Variants in HDAC9 observed in about 807,000 individuals in gnomAD.
HDAC9 encodes the protein MEF-2 interacting transcription repressor (MITR) protein.
In HDAC9, 41 loss-of-function variants were observed where a neutral mutation model predicts 139.4. That is an observed-to-expected ratio of 0.29 (90% CI 0.23 to 0.38). The LOEUF (loss-of-function observed/expected upper bound fraction) is 0.38. Among genes scored for constraint, HDAC9 ranks in the 10% least tolerant of loss-of-function variants. The pLI, the probability that HDAC9 is intolerant of heterozygous loss-of-function variation, is 1.00. For missense variants in HDAC9, 1,147 were observed against 1,297.0 expected (o/e 0.88, Z 1.78); for synonymous variants, 517 against 476.2 (o/e 1.09, Z -1.12).
chr7:18,264,965 T>C (rs909923938), intron 2 of HDAC9, among the ~76,000 whole-genome samples: 2 of 152,176 alleles, frequency 1.3e-5, no homozygotes, highest in African/African-American at 4.8e-5. Context: ...TTTAGTGCCA[T>C]TAAGGGAAAA....
rs527827719 is a variant in HDAC9, at chr7:18,867,278, G to A, written c.2685-7200G>A. 5.9e-5 allele frequency among the ~76,000 whole-genome samples: 9 copies of A among 152,240 alleles called. 1 individual carries two copies. Among genetic ancestry groups the A allele is most frequent in the Non-Finnish European group, 1.0e-4 (7 of 68,012 alleles). The stretch of plus-strand genomic sequence containing the variant: ...ATCATGTGTTTTCTAGCAAAGCAAC[G>A]TAGGTGCAAATCACCAGTGAATCCT... On this transcript the variant is annotated intron_variant, in intron 21 of 25. Transcript: ENST00000686413.
At chr7:18,123,120 C>T (rs915674302) in intron 1 of HDAC9, among the ~76,000 whole-genome samples, 3 of 152,122 alleles carry the variant, frequency 2.0e-5, no homozygotes, top group African/African-American at 2.4e-5. Context: ...TAATTCCTTC[C>T]TCCAACAGAA....
At chr7:18,655,465 A>G (rs1790808015) in intron 11 of HDAC9, among the ~76,000 whole-genome samples, 1 of 152,192 alleles carries the variant, frequency 6.6e-6, no homozygotes, top group Non-Finnish European at 1.5e-5. Flanking sequence ...ATTCTTTTAA[A>G]TACGTAGTAC....
intron 12 of HDAC9, among the ~76,000 whole-genome samples, chr7:18,698,023 C>T (rs1043556033): frequency 1.3e-4 from 20 of 151,826 alleles, no homozygotes; most frequent in South Asian, 2.1e-4. Flanking sequence ...CAGGAGAAGA[C>T]GCATGAACAA....
chr7:18,726,123 A>G (rs1454436752), intron 12 of HDAC9, among the ~76,000 whole-genome samples: 1 of 152,164 alleles, frequency 6.6e-6, no homozygotes, highest in East Asian at 1.9e-4. Context: ...TTATAATCCA[A>G]ATTTATAGAT....
At chr7:18,177,525 CT>C (rs1276580386) in intron 2 of HDAC9, among the ~76,000 whole-genome samples, 1 of 152,160 alleles carries the variant, frequency 6.6e-6, no homozygotes, top group Admixed American at 6.5e-5. Context: ...AGTTTTCTTG[CT>C]TGGAGGCCTT....
intron 6 of HDAC9, among the ~76,000 whole-genome samples, chr7:18,598,045 C>A (rs924011823): frequency 1.1e-4 from 17 of 152,200 alleles, no homozygotes; most frequent in African/African-American, 4.1e-4. Flanking sequence ...TAGCAGTCAG[C>A]AGTTATGTTC....
intron 21 of HDAC9, among the ~76,000 whole-genome samples, chr7:18,838,977 G>GTGA (rs1562978168): frequency 6.6e-6 from 1 of 151,822 alleles, no homozygotes; most frequent in Non-Finnish European, 1.5e-5. Flanking sequence ...CACATTTACT[G>GTGA]TAAGCTTTAA....
At chr7:18,146,371 A>C (rs1280898983) in intron 1 of HDAC9, among the ~76,000 whole-genome samples, 1 of 152,182 alleles carries the variant, frequency 6.6e-6, no homozygotes, top group Non-Finnish European at 1.5e-5. Flanking sequence ...CAATACTCAC[A>C]GTGGTTGATT....
At chr7:18,096,296 C>T (rs1782495571) in intron 1 of HDAC9, among the ~76,000 whole-genome samples, 1 of 152,168 alleles carries the variant, frequency 6.6e-6, no homozygotes, top group Non-Finnish European at 1.5e-5. Context: ...CTCACTTCAT[C>T]CTCACCTTTT....
At chr7:18,762,725 A>G (rs1354402450) in intron 15 of HDAC9, among the ~76,000 whole-genome samples, 3 of 152,202 alleles carry the variant, frequency 2.0e-5, no homozygotes, top group African/African-American at 7.2e-5. Context: ...ACTCATTATT[A>G]CTATGCCCAT....
At chr7:18,393,009 G>A (rs190367851) in intron 1 of HDAC9, among the ~76,000 whole-genome samples, 48 of 151,600 alleles carry the variant, frequency 3.2e-4, no homozygotes, top group Middle Eastern at 6.8e-3. Flanking sequence ...AGTGTGGAGG[G>A]ATGTATGAAC....
intron 24 of HDAC9, among the ~76,000 whole-genome samples, chr7:18,958,405 G>A (rs1176484447): frequency 6.6e-6 from 1 of 152,296 alleles, no homozygotes; most frequent in South Asian, 2.1e-4. Flanking sequence ...TCTAAGAGAT[G>A]TTAGCACTCC....
intron 23 of HDAC9, among the ~76,000 whole-genome samples, chr7:18,950,241 C>T (rs1418784800): frequency 6.6e-6 from 1 of 152,056 alleles, no homozygotes; most frequent in Non-Finnish European, 1.5e-5. Context: ...CCTCTACTTG[C>T]CCTGGGTCTT....
At chr7:18,477,112 C>T (rs1450355573) in intron 1 of HDAC9, among the ~76,000 whole-genome samples, 2 of 152,248 alleles carry the variant, frequency 1.3e-5, no homozygotes, top group East Asian at 3.9e-4. Flanking sequence ...CAATGTTCAC[C>T]TTTGTGCTCT....
chr7:18,135,865 G>C (rs1420107666), intron 1 of HDAC9, among the ~76,000 whole-genome samples: 2 of 140,184 alleles, frequency 1.4e-5, no homozygotes, highest in African/African-American at 6.2e-5. Context: ...CTAGATCCCT[G>C]AGGAATCACC....
chr7:18,483,142 T>C (rs1795710902), intron 1 of HDAC9, among the ~76,000 whole-genome samples: 1 of 152,168 alleles, frequency 6.6e-6, no homozygotes, highest in South Asian at 2.1e-4. Flanking sequence ...ATATGGAAGC[T>C]AATGGATAAG....
At chr7:18,476,005 A>C (rs1795084487) in intron 1 of HDAC9, among the ~76,000 whole-genome samples, 1 of 152,116 alleles carries the variant, frequency 6.6e-6, no homozygotes, top group East Asian at 1.9e-4. Flanking sequence ...CTTGAAACCC[A>C]ACTATGTGTT....
chr7:18,491,613 A>G (rs1796374025), upstream of HDAC9, among the ~76,000 whole-genome samples: 1 of 152,052 alleles, frequency 6.6e-6, no homozygotes, highest in Non-Finnish European at 1.5e-5. Flanking sequence ...GCAGATGTAC[A>G]AAATCTTTCT....
Sources: allele counts gnomAD v4.1 joint callset (sites outside exome capture counted in the v4.1 genomes callset), GRCh38; gene constraint gnomAD v4.1.1; transcripts MANE v1.5; gene names NCBI Gene and HGNC (gene_info 2026-07-23, HGNC 2026-07-21).